Variants in PHLDB1 observed in about 807,000 individuals in gnomAD.
PHLDB1 encodes the protein pleckstrin homology like domain family B member 1.
PHLDB1 carries 65 observed loss-of-function variants against 139.3 expected under a neutral mutation model. The ratio of observed to expected loss-of-function variants is 0.47; its 90% CI spans 0.38 to 0.57. The LOEUF (loss-of-function observed/expected upper bound fraction) is 0.57, where lower values mean the gene tolerates loss of function less well. Among genes scored for constraint, PHLDB1 ranks in the 20% least tolerant of loss-of-function variants. PHLDB1 has a pLI of 0.00. For missense variants in PHLDB1, 1,624 were observed against 1,839.7 expected, an observed-to-expected ratio of 0.88 and a Z score of 2.14; for synonymous variants, 679 against 734.5, an observed-to-expected ratio of 0.92 and a Z score of 1.22.
intron 13 of PHLDB1, 142 bp downstream of exon 13, chr11:118,642,536 G>C: frequency 1.0e-6 from 1 of 979,440 alleles, no homozygotes; most frequent in Non-Finnish European, 1.5e-6. Flanking sequence ...TCTGGGCCCT[G>C]AGAGGGTCAC....
chr11:118,625,160 T>C (rs1279387806), intron 5 of PHLDB1, 101 bp downstream of exon 5: 3 of 1,355,058 alleles, frequency 2.2e-6, no homozygotes, highest in Non-Finnish European at 3.0e-6. Context: ...GGCAAGACAA[T>C]ACCTAAGGTC....
chr11:118,636,489 G>C (rs1273078284), intron 10 of PHLDB1: 4 of 152,230 alleles, frequency 2.6e-5, no homozygotes, highest in Admixed American at 2.6e-4. Context: ...CTGATGAAAG[G>C]AGGGAAGAAA....
intron 10 of PHLDB1, chr11:118,637,605 CA>C (rs1372442997): frequency 6.6e-6 from 1 of 152,162 alleles, no homozygotes; most frequent in Non-Finnish European, 1.5e-5. Flanking sequence ...CTCAGCCTCC[CA>C]AAGTGCTAAG....
In PHLDB1 at chr11:118,631,295, T is replaced by C. The variant is rs138732688; in HGVS notation, c.1916T>C (p.Ile639Thr). 9.2e-5 allele frequency: 141 copies of C among 1,534,484 alleles called. No individual in the cohort carries two copies. Among genetic ancestry groups the C allele is most frequent in the East Asian group, 1.8e-4 (7 of 39,968 alleles). ...CCTGAGGCTGGGGAGCTTCCCAGCA[T>C]TGGGGAGGCCACCGCAGCATTGGCA... ...GGPEAGELPS[I>T]GEATAALALA... The change falls in exon 7 of 23, where the codon ATT becomes ACT. Residue 639 changes from isoleucine to threonine, a missense_variant. Physicochemically the swap from Ile to Thr is moderately conservative, Grantham distance 89 (BLOSUM62 -1). Transcript: ENST00000600882.
At position 118,631,410 on chromosome 11, in the gene PHLDB1, G is replaced by C; in HGVS notation, c.2031G>C (p.Glu677Asp). 6.7e-7 allele frequency: 1 copy of C among 1,487,542 alleles called. No individual in the cohort carries two copies. Among genetic ancestry groups the C allele is most frequent in the Non-Finnish European group, 8.9e-7 (1 of 1,119,014 alleles). The allele number at this position is 1,487,542 out of a possible 1,614,324, so 92.1% of individuals were successfully genotyped here. A position where few individuals can be genotyped will look rare whatever the true frequency, so the allele number is the denominator to read the frequency against. Residue 677 changes from glutamate (E) to aspartate (D), a missense_variant, in exon 7 of 23, where the codon GAG (glutamate) becomes GAC (aspartate). By Grantham distance (45) the Glu-to-Asp change is conservative. Coordinates refer to ENST00000600882, the MANE Select transcript of PHLDB1 (RefSeq NM_001144758.3). ...GCGTTGCCACCCAACGCCTATGGGA[G>C]AGTATGGAGCGCTCAGATGAGGAAA... ...EPGVATQRLW[E>D]SMERSDEENL...
intron 9 of PHLDB1, chr11:118,633,404 C>G (rs1945116958): frequency 6.6e-6 from 1 of 152,256 alleles, no homozygotes; most frequent in Non-Finnish European, 1.5e-5. Flanking sequence ...AATGCCTAGG[C>G]TGCTGTCTTA....
intron 2 of PHLDB1, among the ~76,000 whole-genome samples, 195 bp downstream of exon 2, chr11:118,614,091 G>C (rs536920978): frequency 1.3e-5 from 2 of 152,068 alleles, no homozygotes; most frequent in Non-Finnish European, 2.9e-5. Context: ...ACTACCCATC[G>C]AAAGTCCGAA....
At chr11:118,618,917 A>G (rs75682281) in intron 4 of PHLDB1, among the ~76,000 whole-genome samples, 1 of 151,742 alleles carries the variant, frequency 6.6e-6, no homozygotes, top group East Asian at 2.0e-4. Flanking sequence ...GGGCCAGGGG[A>G]AAGGGGAGGC....
rs1375610966 is a variant in PHLDB1 at position 118,620,504 on chromosome 11, A to G, written c.355+4293A>G. On this transcript the variant is annotated intron_variant, in intron 4 of 22. Transcript: ENST00000600882. The surrounding 1 kb of genome is among the most constrained non-coding windows in gnomAD (Gnocchi z 4.1). ...TGAAACTCCATCTCAAAAAAACAGA[A>G]CAAAACAAAACAAAACACCTGCCTG... 6.6e-6 allele frequency among the ~76,000 whole-genome samples: 1 copy of G among 151,956 alleles called. No individual in the cohort carries two copies. Among genetic ancestry groups the G allele is most frequent in the Non-Finnish European group, 1.5e-5 (1 of 68,022 alleles).
chr11:118,640,122 G>T, intron 12 of PHLDB1: 2 of 429,018 alleles, frequency 4.7e-6, no homozygotes, highest in Non-Finnish European at 6.2e-6. Context: ...TAGTTTCTTG[G>T]CTGGCCAGAG....
chr11:118,616,059 C>G lies in PHLDB1; in HGVS notation c.203C>G (p.Ser68Cys). 1 of 1,613,530 alleles carries G rather than the reference C, an allele frequency of 6.2e-7. No individual in the cohort carries two copies. Among genetic ancestry groups the G allele is most frequent in the East Asian group, 2.2e-5 (1 of 44,872 alleles). Residue 68 changes from serine (S) to cysteine (C), a missense_variant, in exon 4 of 23, where the codon TCT becomes TGT. Transcript: ENST00000600882. Reference protein sequence around the residue: ...PLEEGRTVIGSAARDISLQGP... With the variant: ...PLEEGRTVIGCAARDISLQGP... ...TCTCCAGGGAGGACGGTGATTGGCT[C>G]TGCAGCCAGAGACATCTCACTACAG...
At position 118,631,333 on chromosome 11, in the gene PHLDB1, A is replaced by G. The variant is rs868925929; in HGVS notation, c.1954A>G (p.Arg652Gly). ...ATAALALAGR[R>G]PSRGLAGASG... ...CGCAGCATTGGCACTGGCAGGCCGG[A>G]GGCCCTCACGAGGCCTTGCAGGGGC... Residue 652 changes from arginine to glycine, a missense_variant, in exon 7 of 23, where the codon AGG (arginine) becomes GGG (glycine). By Grantham distance (125) the Arg-to-Gly change is moderately radical. Transcript: ENST00000600882. The G allele has an allele frequency of 1.3e-6, 2 of 1,540,266 alleles. No individual in the cohort carries two copies. Among genetic ancestry groups the G allele is most frequent in the Non-Finnish European group, 1.7e-6 (2 of 1,145,944 alleles).
At chr11:118,656,643 G>C (rs782302645) in intron 22 of PHLDB1, 40 bp from the exon 23 acceptor site, 2 of 1,598,660 alleles carry the variant, frequency 1.3e-6, no homozygotes, top group African/African-American at 1.3e-5. Context: ...CCTGGGCATG[G>C]GTGAGCCCCA....
chr11:118,647,645 C>T (rs781808093), intron 17 of PHLDB1: 29 of 241,460 alleles, frequency 1.2e-4, no homozygotes, highest in Non-Finnish European at 1.8e-4. Flanking sequence ...ACCTGGGAGG[C>T]GAAGGTTGCA....
chr11:118,607,916 C>T (rs1348508371), intron 1 of PHLDB1, among the ~76,000 whole-genome samples: 1 of 152,106 alleles, frequency 6.6e-6, no homozygotes, highest in South Asian at 2.1e-4. Flanking sequence ...TTGCTTTTGC[C>T]TTCCTCGGCC....
chr11:118,649,518 A>G (rs932268813), intron 18 of PHLDB1, among the ~76,000 whole-genome samples: 16 of 152,100 alleles, frequency 1.1e-4, no homozygotes, highest in African/African-American at 3.9e-4. Flanking sequence ...TAAATAATAT[A>G]TGATGTTTCC....
rs1389756014 is a variant in PHLDB1 at position 118,608,298 on chromosome 11, C to T, written c.-22+599C>T. On this transcript the variant is annotated intron_variant, in intron 1 of 22. Transcript: ENST00000600882. This position sits in a 1 kb window ranked among gnomAD's most constrained non-coding sequence, Gnocchi z 6.7. Reference sequence around the variant, plus strand: ...GGGCCTCCCAGGCACTCCCCAAGGCCCCACGTCCTCGGGGGCCGGGGAGGC... The same window carrying T: ...GGGCCTCCCAGGCACTCCCCAAGGCTCCACGTCCTCGGGGGCCGGGGAGGC... 6.6e-6 allele frequency among the ~76,000 whole-genome samples: 1 copy of T among 152,102 alleles called. No homozygotes were observed. The highest frequency in any genetic ancestry group is 1.5e-5 in the Non-Finnish European group (1 of 67,978).
At position 118,645,487 on chromosome 11, in the gene PHLDB1, CCT is replaced by C. The variant is rs1947330683; in HGVS notation, c.3257_3258del (p.Leu1086HisfsTer20). Reference protein sequence around the residue: ...PFPAGPSGFPPLMHHSILHHL... With the variant: ...PFPAGPSGFPXLMHHSILHHL... Reference sequence around the variant, plus strand: ...CCCAGCGGGCCCCTCGGGCTTCCCCCCTCTCATGCACCACTCTATCCTACACC... The same window carrying C: ...CCCAGCGGGCCCCTCGGGCTTCCCCCCTCATGCACCACTCTATCCTACACC... On this transcript the variant is annotated frameshift_variant, in exon 16 of 23. Transcript: ENST00000600882. LOFTEE classifies it high-confidence loss of function. This position sits in a 1 kb window ranked among gnomAD's most constrained non-coding sequence, Gnocchi z 5.1. 6.2e-7 allele frequency: 1 copy of C among 1,611,962 alleles called. No individual in the cohort carries two copies. Among genetic ancestry groups the C allele is most frequent in the African/African-American group, 1.3e-5 (1 of 74,884 alleles).
chr11:118,648,269 TTGTGTGTGTGTGTGTGTGTGTG>T (rs71041842), intron 18 of PHLDB1, among the ~76,000 whole-genome samples, 193 bp downstream of exon 18: 57 of 125,570 alleles, frequency 4.5e-4, no homozygotes, highest in South Asian at 1.4e-3. Context: ...ACTATTCAAG[TTGTGTGTGTGTGTGTGTGTGTG>T]TGTGTGTGTG....
Sources: gnomAD v4.1 joint callset for allele counts (sites outside exome capture counted in the v4.1 genomes callset) on GRCh38, gnomAD v4.1.1 for gene constraint, Gnocchi (gnomAD v3.1) non-coding constraint, MANE v1.5 for transcripts, NCBI Gene and HGNC (gene_info 2026-07-23, HGNC 2026-07-21) for gene names.